Variants in VSIG2 observed in about 807,000 individuals in gnomAD.
The protein encoded by VSIG2 is V-set and immunoglobulin domain containing 2.
Under a neutral mutation model 29.4 loss-of-function variants are expected in VSIG2, and 30 were observed. The observed-to-expected ratio is 1.02, with a 90% CI of 0.76 to 1.38. VSIG2 has a LOEUF of 1.38. Ranked by LOEUF, VSIG2 falls within the 40% of genes most tolerant of loss-of-function variation. The probability of loss-of-function intolerance (pLI) is 0.00; values close to 1 mark genes in which losing one functional copy is unlikely to be tolerated. For missense variants in VSIG2, 421 were observed against 400.8 expected, an observed-to-expected ratio of 1.05 and a Z score of -0.43; for synonymous variants, 178 against 174.2, an observed-to-expected ratio of 1.02 and a Z score of -0.17.
Position 124,752,152 on chromosome 11 carries a change from G to A in VSIG2, c.-15C>T. On this transcript the variant is annotated 5_prime_UTR_variant, in exon 1 of 7. The change creates a new upstream start codon in the 5' untranslated region. Transcript: ENST00000326621. ...AGCTCGGCCATGGCCGCGTCCGGCC[G>A]TCCTGTCCTGCTCCTGCCAGGTGGG... 1 of 1,569,606 alleles carries A rather than the reference G, an allele frequency of 6.4e-7. No homozygotes were observed. Among genetic ancestry groups the A allele is most frequent in the Non-Finnish European group, 8.6e-7 (1 of 1,163,164 alleles).
rs139982341 is a variant in VSIG2 at position 124,747,952 on chromosome 11, G to A, written c.852-285C>T. On this transcript the variant is annotated intron_variant, in intron 6 of 6. Transcript: ENST00000326621. ...CTGATCCCTATCCTAGACCCTGACT[G>A]GCAGCTAAAGTGGATGACAGAGGCA... Among the ~76,000 whole-genome samples, 32 of 152,142 alleles carry A rather than the reference G, an allele frequency of 2.1e-4. No homozygotes were observed. The East Asian group carries it at 5.8e-3, about 28-fold the overall frequency.
Position 124,751,499 on chromosome 11 carries a change from C to G in VSIG2, c.143G>C (p.Ser48Thr). ...GGCGAAGCTGTCTCCCACCGACGTG[C>G]TGTAGGTGCAGGTCAGCTCGGCTGT... ...GKTAELTCTY[S>T]TSVGDSFALE... is the part of the protein sequence containing the mutation. The change falls in exon 2 of 7, where the codon AGC becomes ACC. Residue 48 changes from serine (S) to threonine (T), a missense_variant. By Grantham distance (58) the Ser-to-Thr change is moderately conservative. Coordinates refer to ENST00000326621, the MANE Select transcript of VSIG2 (RefSeq NM_014312.5). The G allele has an allele frequency of 6.2e-7, 1 of 1,613,154 alleles. No individual in the cohort carries two copies. Among genetic ancestry groups the G allele is most frequent in the Non-Finnish European group, 8.5e-7 (1 of 1,179,992 alleles).
chr11:124,752,099 C>T lies in VSIG2; in HGVS notation c.39G>A (p.Leu13=), dbSNP rs1177743036. Residue 13 remains leucine, a synonymous_variant, in exon 1 of 7, where the codon CTG becomes CTA. Coordinates refer to ENST00000326621, the MANE Select transcript of VSIG2 (RefSeq NM_014312.5). The part of the protein sequence containing the change: ...ELPGPFLCGA[L]LGFLCLSGLA... ...CACCACTCAGGCACAGGAAGCCTAG[C>T]AGGGCCCCGCAGAGAAAGGGCCCCG... is the stretch of plus-strand genomic sequence containing the variant. The T allele has an allele frequency of 3.4e-5, 54 of 1,606,686 alleles. No homozygotes were observed. Among genetic ancestry groups the T allele is most frequent in the Non-Finnish European group, 4.6e-5 (54 of 1,178,848 alleles).
In VSIG2 at chr11:124,747,498, GAT is replaced by G; in HGVS notation, c.*35_*36del. The G allele has an allele frequency of 6.3e-7, 1 of 1,583,670 alleles. No homozygotes were observed. The highest frequency in any genetic ancestry group is 8.6e-7 in the Non-Finnish European group (1 of 1,166,500). ...ATGGTACCCACAGACTTTAATTATT[GAT>G]ATTCCCCCTCACCGCCCTCAGGGAT... is the stretch of plus-strand genomic sequence containing the variant. On this transcript the variant is annotated 3_prime_UTR_variant, in exon 7 of 7. Transcript: ENST00000326621.
At chr11:124,747,724 C>T (rs947574041) in intron 6 of VSIG2, 57 bp from the exon 7 acceptor site, 5 of 1,560,170 alleles carry the variant, frequency 3.2e-6, no homozygotes, top group Middle Eastern at 1.7e-4. Context: ...GGAGGAGGGC[C>T]GTCCTCTAAC....
At chr11:124,749,569 G>T in intron 4 of VSIG2, 139 bp downstream of exon 4, 2 of 1,198,188 alleles carry the variant, frequency 1.7e-6, no homozygotes, top group South Asian at 1.6e-5. Context: ...AATACAGGAA[G>T]CCAAGGAAGA....
chr11:124,751,323 G>A, intron 2 of VSIG2, 100 bp downstream of exon 2: 3 of 1,451,428 alleles, frequency 2.1e-6, no homozygotes, highest in East Asian at 2.3e-5. Flanking sequence ...TTTCATCCAA[G>A]CATACTGATC....
At chr11:124,750,285 G>T (rs1247511207) in intron 3 of VSIG2, among the ~76,000 whole-genome samples, 4 of 152,188 alleles carry the variant, frequency 2.6e-5, no homozygotes, top group Non-Finnish European at 5.9e-5. Flanking sequence ...CTCTGAAAAG[G>T]CTCTAGTTTG....
intron 6 of VSIG2, 71 bp from the exon 7 acceptor site, chr11:124,747,738 G>A (rs2134449286): frequency 6.7e-7 from 1 of 1,499,986 alleles, no homozygotes; most frequent in African/African-American, 1.4e-5. Context: ...CTCTAACCTG[G>A]GGACTCTTAA....
chr11:124,751,499 C>T lies in VSIG2; in HGVS notation c.143G>A (p.Ser48Asn). ...GGCGAAGCTGTCTCCCACCGACGTG[C>T]TGTAGGTGCAGGTCAGCTCGGCTGT... ...GKTAELTCTY[S>N]TSVGDSFALE... Residue 48 changes from serine (S) to asparagine (N), a missense_variant, in exon 2 of 7, where the codon AGC becomes AAC. Physicochemically the swap from Ser to Asn is conservative, Grantham distance 46. Transcript: ENST00000326621. 6.2e-7 allele frequency: 1 copy of T among 1,613,154 alleles called. No individual in the cohort carries two copies. Among genetic ancestry groups the T allele is most frequent in the African/African-American group, 1.3e-5 (1 of 75,054 alleles).
In VSIG2 at chr11:124,748,405, C is replaced by T. The variant is rs1944041561; in HGVS notation, c.836G>A (p.Gly279Glu). Residue 279 changes from glycine (G) to glutamate (E), a missense_variant, in exon 6 of 7, where the codon GGG becomes GAG. By Grantham distance (98) the Gly-to-Glu change is moderately conservative. Transcript: ENST00000326621. ...TCCTGCTCACCGAAGGTCACTACCC[C>T]CATATGTCTCCTTGGGCTTCTTCCC... ...ERGKKPKETY[G>E]GSDLREDAIA... 1.9e-6 allele frequency: 3 copies of T among 1,613,396 alleles called. No homozygotes were observed. In the East Asian group the frequency reaches 6.7e-5, roughly 36 times the overall value.
chr11:124,748,096 T>G, intron 6 of VSIG2: 1 of 414,588 alleles, frequency 2.4e-6, no homozygotes, highest in Admixed American at 4.1e-5. Context: ...TTAAAATATA[T>G]GAAAATACCT....
chr11:124,749,866 A>G lies in VSIG2; in HGVS notation c.428T>C (p.Val143Ala), dbSNP rs750114602. Reference protein sequence around the residue: ...GLGLINLTVLVPPSNPLCSQS... With the variant: ...GLGLINLTVLAPPSNPLCSQS... ...ACTGCATAAGGGATTACTGGGGGGA[A>G]CTGCAAAAAAAAAAAAAAAAAAAAA... Residue 143 changes from valine (V) to alanine (A), a missense_variant and splice_region_variant, in exon 4 of 7, where the codon GTT (valine) becomes GCT (alanine). Transcript: ENST00000326621. 6 of 1,392,156 alleles carry G rather than the reference A, an allele frequency of 4.3e-6. No homozygotes were observed. The highest frequency in any genetic ancestry group is 2.8e-5 in the South Asian group (2 of 71,510). The allele number at this position is 1,392,156 out of a possible 1,614,324, so 86.2% of individuals were successfully genotyped here. A position where few individuals can be genotyped will look rare whatever the true frequency, so the allele number is the denominator to read the frequency against.
intron 6 of VSIG2, chr11:124,748,162 A>G (rs183298439): frequency 1.9e-6 from 1 of 536,898 alleles, no homozygotes; most frequent in African/African-American, 1.9e-5. Context: ...CAGTCCTGCA[A>G]ACAGCTTCCC....
chr11:124,749,863 G>C lies in VSIG2; in HGVS notation c.431C>G (p.Pro144Arg), dbSNP rs761373419. 20 of 1,021,142 alleles carry C rather than the reference G, an allele frequency of 2.0e-5. No individual in the cohort carries two copies. The East Asian group carries it at 5.2e-4, about 27-fold the overall frequency. The allele number at this position is 1,021,142 out of a possible 1,614,324, so 63.3% of individuals were successfully genotyped here. ...LGLINLTVLV[P>R]PSNPLCSQSG... Reference sequence around the variant, plus strand: ...CTGACTGCATAAGGGATTACTGGGGGGAACTGCAAAAAAAAAAAAAAAAAA... The same window carrying C: ...CTGACTGCATAAGGGATTACTGGGGCGAACTGCAAAAAAAAAAAAAAAAAA... Residue 144 changes from proline to arginine, a missense_variant, in exon 4 of 7, where the codon CCC (proline) becomes CGC (arginine). Pro to Arg is a moderately radical substitution (Grantham distance 103). Transcript: ENST00000326621.
chr11:124,751,502 T>C lies in VSIG2; in HGVS notation c.140A>G (p.Tyr47Cys), dbSNP rs1944086316. 3 of 1,613,078 alleles carry C rather than the reference T, an allele frequency of 1.9e-6. No individual in the cohort carries two copies. Among genetic ancestry groups the C allele is most frequent in the Middle Eastern group, 3.3e-4 (2 of 6,060 alleles). The change falls in exon 2 of 7, where the codon TAC (tyrosine) becomes TGC (cysteine). Residue 47 changes from tyrosine (Y) to cysteine (C), a missense_variant. Transcript: ENST00000326621. ...LGKTAELTCT[Y>C]STSVGDSFAL... ...GAAGCTGTCTCCCACCGACGTGCTG[T>C]AGGTGCAGGTCAGCTCGGCTGTCTT...
intron 6 of VSIG2, 159 bp downstream of exon 6, chr11:124,748,231 C>T: frequency 1.2e-6 from 1 of 809,558 alleles, no homozygotes. Flanking sequence ...CCCTCAAATA[C>T]ACAGGTTACA....
rs1030376097 is a variant in VSIG2 at position 124,750,844 on chromosome 11, G to T, written c.297C>A (p.Pro99=). The change falls in exon 3 of 7, where the codon CCC becomes CCA. Residue 99 remains proline, a synonymous_variant. Transcript: ENST00000326621. ...SKRVSLLQNP[P]TVGVATLKLT... is the part of the protein sequence containing the mutation. ...GTTTCAGTGTGGCCACCCCCACTGT[G>T]GGGGGGTTCTGAAGCAGGCTGACCC... The T allele has an allele frequency of 1.9e-6, 3 of 1,613,836 alleles. No individual in the cohort carries two copies. The highest frequency in any genetic ancestry group is 1.7e-5 in the Admixed American group (1 of 59,996).
In VSIG2 at chr11:124,748,461, C is replaced by A; in HGVS notation, c.780G>T (p.Ala260=). Reference sequence around the variant, plus strand: ...CTTTCTGGAACCTGACCAGGCAGAACGCAGCAACTGACAGCAACAGCACGC... The same window carrying A: ...CTTTCTGGAACCTGACCAGGCAGAAAGCAGCAACTGACAGCAACAGCACGC... ...LLGVLLLSVA[A]FCLVRFQKER... Residue 260 remains alanine (A), a synonymous_variant, in exon 6 of 7, where the codon GCG becomes GCT. Coordinates refer to ENST00000326621, the MANE Select transcript of VSIG2 (RefSeq NM_014312.5). 6.2e-7 allele frequency: 1 copy of A among 1,614,144 alleles called. No individual in the cohort carries two copies.
Sources: gnomAD v4.1 joint callset for allele counts (sites outside exome capture counted in the v4.1 genomes callset) on GRCh38, gnomAD v4.1.1 for gene constraint, MANE v1.5 for transcripts, NCBI Gene and HGNC (gene_info 2026-07-23, HGNC 2026-07-21) for gene names.